The following IFNAR1 variants were observed in gnomAD, a reference collection of about 807,000 sequenced individuals.
The protein encoded by IFNAR1 is interferon alpha and beta receptor subunit 1.
Under a neutral mutation model 62.1 loss-of-function variants are expected in IFNAR1, and 47 were observed. The ratio of observed to expected loss-of-function variants is 0.76; its 90% CI spans 0.60 to 0.97. The LOEUF (loss-of-function observed/expected upper bound fraction) is 0.97. Among genes scored for constraint, IFNAR1 ranks in the 50% least tolerant of loss-of-function variants. The pLI is 0.00. For missense variants in IFNAR1, 638 were observed against 654.5 expected (o/e 0.97, Z 0.27); for synonymous variants, 219 against 226.9 (o/e 0.97, Z 0.31).
Position 33,335,583 on chromosome 21 carries a change from A to T in IFNAR1, c.136A>T (p.Ile46Phe). ...VEVDIIDDNFILRWNRSDESV... is the reference protein window; with the variant it reads ...VEVDIIDDNFFLRWNRSDESV... ...GGTCGACATCATAGATGACAACTTTATCCTGAGGTGGAACAGGAGCGATGA... is the reference window on the plus strand; with the variant it reads ...GGTCGACATCATAGATGACAACTTTTTCCTGAGGTGGAACAGGAGCGATGA... The change falls in exon 2 of 11, where the codon ATC becomes TTC. Residue 46 changes from isoleucine (I) to phenylalanine (F), a missense_variant. Physicochemically the swap from Ile to Phe is conservative, Grantham distance 21. Transcript: ENST00000270139. 6.2e-7 allele frequency: 1 copy of T among 1,608,678 alleles called. No homozygotes were observed. The highest frequency in any genetic ancestry group is 8.5e-7 in the Non-Finnish European group (1 of 1,177,244).
At chr21:33,329,923 A>G (rs1296264311) in intron 1 of IFNAR1, among the ~76,000 whole-genome samples, 1 of 152,226 alleles carries the variant, frequency 6.6e-6, no homozygotes, top group African/African-American at 2.4e-5. Flanking sequence ...AGCACCAGGA[A>G]TCTGTCTCCT....
chr21:33,334,490 A>G (rs2083213942), intron 1 of IFNAR1: 1 of 350,556 alleles, frequency 2.9e-6, no homozygotes, highest in South Asian at 2.6e-5. Flanking sequence ...TTGCCCTTCA[A>G]AAGCATAAGG....
Position 33,356,020 on chromosome 21 carries a change from AAATT to A in IFNAR1, c.*474_*477del, listed in dbSNP as rs1322323470. On this transcript the variant is annotated 3_prime_UTR_variant, in exon 11 of 11. Transcript: ENST00000270139. ...ACAGCGTGAGACTCTTTAAAAAAAG[AAATT>A]AAAAGAGTTGAGACAAACGTTTCCT... is the stretch of plus-strand genomic sequence containing the variant. The A allele has an allele frequency of 3.3e-5, 5 of 152,382 alleles. No homozygotes were observed. The highest frequency in any genetic ancestry group is 1.2e-4 in the African/African-American group (5 of 41,580). The allele number at this position is 152,382 out of a possible 1,614,324, so 9.4% of individuals were successfully genotyped here.
intron 6 of IFNAR1, among the ~76,000 whole-genome samples, chr21:33,347,154 G>A (rs2083356504): frequency 6.7e-6 from 1 of 148,476 alleles, no homozygotes; most frequent in Non-Finnish European, 1.5e-5. Context: ...TTTTGAGACG[G>A]AGTCTCACTC....
chr21:33,327,967 T>C (rs2083141960), intron 1 of IFNAR1, among the ~76,000 whole-genome samples: 1 of 152,146 alleles, frequency 6.6e-6, no homozygotes, highest in South Asian at 2.1e-4. Context: ...TCCTAAGGGG[T>C]TGTGGAGACC....
At chr21:33,345,887 G>A (rs1001167486) in intron 6 of IFNAR1, among the ~76,000 whole-genome samples, 1 of 152,256 alleles carries the variant, frequency 6.6e-6, no homozygotes, top group African/African-American at 2.4e-5. Flanking sequence ...TTGAGCAGAG[G>A]CTAGCTAAAC....
chr21:33,335,622 G>C lies in IFNAR1; in HGVS notation c.175G>C (p.Val59Leu), dbSNP rs2123668766. The change falls in exon 2 of 11, where the codon GTG becomes CTG. Residue 59 changes from valine (V) to leucine (L), a missense_variant. Transcript: ENST00000270139. ...CAGGAGCGATGAGTCTGTCGGGAAT[G>C]TGACTTTTTCATTCGATTATCAAAA... is the stretch of plus-strand genomic sequence containing the variant. The part of the protein sequence containing the change: ...WNRSDESVGN[V>L]TFSFDYQKTG... 1 of 1,588,374 alleles carries C rather than the reference G, an allele frequency of 6.3e-7. No homozygotes were observed. The highest frequency in any genetic ancestry group is 2.3e-5 in the East Asian group (1 of 43,680).
At chr21:33,332,682 ACAAC>A (rs554838338) in intron 1 of IFNAR1, among the ~76,000 whole-genome samples, 227 of 152,348 alleles carry the variant, frequency 1.5e-3, no homozygotes, top group African/African-American at 5.3e-3. Flanking sequence ...ATGATGAAAA[ACAAC>A]CAAACAAATC....
chr21:33,352,967 A>G, intron 9 of IFNAR1, 59 bp downstream of exon 9: 4 of 1,184,560 alleles, frequency 3.4e-6, no homozygotes, highest in East Asian at 2.5e-5. Flanking sequence ...AAGTAATTCT[A>G]TACTGTACAT....
At chr21:33,324,823 G>T, upstream of IFNAR1, 1 of 565,104 alleles carries the variant, frequency 1.8e-6, no homozygotes, top group Non-Finnish European at 3.2e-6. Context: ...GGCAATGGGA[G>T]CTTGGAGAAG....
intron 8 of IFNAR1, 95 bp downstream of exon 8, chr21:33,349,638 A>G (rs1447085957): frequency 1.3e-5 from 12 of 937,784 alleles, no homozygotes; most frequent in Non-Finnish European, 1.9e-5. Flanking sequence ...GAAATTTTTA[A>G]ACTTTATGTG....
intron 6 of IFNAR1, among the ~76,000 whole-genome samples, chr21:33,346,412 G>A (rs1305305858): frequency 6.6e-6 from 1 of 152,168 alleles, no homozygotes; most frequent in African/African-American, 2.4e-5. Context: ...TGAACCAAGG[G>A]TGACTGGTAG....
upstream of IFNAR1, chr21:33,324,727 A>T: frequency 3.1e-6 from 1 of 319,750 alleles, no homozygotes; most frequent in East Asian, 6.5e-5. Flanking sequence ...GACCGGCCAT[A>T]GGCCGGAAAG....
At chr21:33,353,553 A>G in intron 9 of IFNAR1, 85 bp from the exon 10 acceptor site, 1 of 701,030 alleles carries the variant, frequency 1.4e-6, no homozygotes, top group Non-Finnish European at 2.4e-6. Flanking sequence ...TTCCTTTCAT[A>G]TGGCTAGTCT....
intron 1 of IFNAR1, 151 bp downstream of exon 1, chr21:33,325,282 G>A: frequency 1.4e-6 from 1 of 696,382 alleles, no homozygotes; most frequent in Non-Finnish European, 2.5e-6. Context: ...CCCGACCTGG[G>A]CTCGCAAATC....
rs147871209 is a variant in IFNAR1, at chr21:33,355,345, T to C, written c.1470T>C (p.Leu490=). ...EYFSEQPLKN[L]LLSTSEEQIE... The stretch of plus-strand genomic sequence containing the variant: ...TCTCTGAACAGCCATTGAAGAATCT[T>C]CTGCTTTCAACTTCTGAGGAACAAA... The change falls in exon 11 of 11, where the codon CTT becomes CTC. Residue 490 remains leucine (L), a synonymous_variant. Transcript: ENST00000270139. The C allele has an allele frequency of 2.6e-5, 41 of 1,586,260 alleles. No homozygotes were observed. In the African/African-American group the frequency reaches 2.7e-4, roughly 10 times the overall value.
rs541858922 is a variant in IFNAR1, at chr21:33,352,884, G to A, written c.1270G>A (p.Ala424Thr). The change falls in exon 9 of 11, where the codon GCT (alanine) becomes ACT (threonine). Residue 424 changes from alanine (A) to threonine (T), a missense_variant. Ala to Thr is a moderately conservative substitution (Grantham distance 58). Transcript: ENST00000270139. ...GAATAAAAGCAGTGTTTTTAGTGACGCTGTATGTGAGAAAACAAAACCAGG... is the reference window on the plus strand; with the variant it reads ...GAATAAAAGCAGTGTTTTTAGTGACACTGTATGTGAGAAAACAAAACCAGG... ...KLNKSSVFSD[A>T]VCEKTKPGNT... 33 of 1,587,994 alleles carry A rather than the reference G, an allele frequency of 2.1e-5. No homozygotes were observed. The highest frequency in any genetic ancestry group is 1.7e-4 in the African/African-American group (13 of 74,464).
At chr21:33,335,914 TC>T (rs2083229590) in intron 2 of IFNAR1, among the ~76,000 whole-genome samples, 1 of 115,958 alleles carries the variant, frequency 8.6e-6, no homozygotes, top group South Asian at 3.2e-4. Flanking sequence ...TGTTCCAGCT[TC>T]TTTTTTTTTT....
In IFNAR1 at chr21:33,325,000, G is replaced by A; in HGVS notation, c.-56G>A. On this transcript the variant is annotated 5_prime_UTR_variant, in exon 1 of 11. Coordinates refer to ENST00000270139, the MANE Select transcript of IFNAR1 (RefSeq NM_000629.3). ...GACTTAGGACGGGGCGATGGCGGCTGAGAGGAGCTGCGCGTGCGCGAACAT... is the reference window on the plus strand; with the variant it reads ...GACTTAGGACGGGGCGATGGCGGCTAAGAGGAGCTGCGCGTGCGCGAACAT... The A allele has an allele frequency of 6.7e-7, 1 of 1,493,492 alleles. No individual in the cohort carries two copies. The highest frequency in any genetic ancestry group is 9.1e-7 in the Non-Finnish European group (1 of 1,094,260). The allele number at this position is 1,493,492 out of a possible 1,614,324, so 92.5% of individuals were successfully genotyped here. A position where few individuals can be genotyped will look rare whatever the true frequency, so the allele number is the denominator to read the frequency against.
Sources: gnomAD v4.1 joint callset for allele counts (sites outside exome capture counted in the v4.1 genomes callset) on GRCh38, gnomAD v4.1.1 for gene constraint, MANE v1.5 for transcripts, NCBI Gene and HGNC (gene_info 2026-07-23, HGNC 2026-07-21) for gene names.